FOXN2: variants seen among roughly 807,000 people sequenced by gnomAD.
FOXN2 encodes the protein forkhead box N2, also known as forkhead box protein N2.
FOXN2 carries 19 observed loss-of-function variants against 41.2 expected under a neutral mutation model. The ratio of observed to expected loss-of-function variants is 0.46; its 90% confidence interval spans 0.32 to 0.68. The LOEUF (loss-of-function observed/expected upper bound fraction) is 0.68, where lower values mean the gene tolerates loss of function less well. Ranked by LOEUF, FOXN2 falls within the 30% of genes least tolerant of loss-of-function variation. The pLI, the probability that FOXN2 is intolerant of heterozygous loss-of-function variation, is 0.03. For synonymous variants in FOXN2, 195 were observed against 176.8 expected (o/e 1.10, Z -0.82); for missense variants, 587 against 509.4 (o/e 1.15, Z -1.47).
chr2:48,332,720 A>C (rs1558616597), intron 2 of FOXN2, among the ~76,000 whole-genome samples: 1 of 152,194 alleles, frequency 6.6e-6, no homozygotes, highest in African/African-American at 2.4e-5. Flanking sequence ...TAGTAGTAAT[A>C]ATCATCATTA....
intron 4 of FOXN2, among the ~76,000 whole-genome samples, chr2:48,359,392 C>T (rs1314112893): frequency 6.6e-6 from 1 of 152,138 alleles, no homozygotes; most frequent in African/African-American, 2.4e-5. Flanking sequence ...CTCCTGGGTT[C>T]AGGTGATCCT....
At chr2:48,330,840 T>G (rs1669976099) in intron 2 of FOXN2, among the ~76,000 whole-genome samples, 1 of 152,228 alleles carries the variant, frequency 6.6e-6, no homozygotes, top group Admixed American at 6.5e-5. Flanking sequence ...TGATTTTAAG[T>G]AGGAAGCTGG....
chr2:48,368,403 G>T (rs995196290), intron 5 of FOXN2, among the ~76,000 whole-genome samples: 1 of 152,090 alleles, frequency 6.6e-6, no homozygotes, highest in East Asian at 1.9e-4. Context: ...GGCTGAACGC[G>T]GTGGTTCATG....
At chr2:48,322,897 T>A (rs1306717286) in intron 1 of FOXN2, among the ~76,000 whole-genome samples, 1 of 150,710 alleles carries the variant, frequency 6.6e-6, no homozygotes, top group Non-Finnish European at 1.5e-5. Context: ...GGATGTTATT[T>A]TATTGTTTCT....
At chr2:48,347,864 A>G (rs780765101) in intron 3 of FOXN2, among the ~76,000 whole-genome samples, 1 of 151,914 alleles carries the variant, frequency 6.6e-6, no homozygotes, top group African/African-American at 2.4e-5. Context: ...TTTTTCTTCT[A>G]TGTATTTTAA....
intron 5 of FOXN2, among the ~76,000 whole-genome samples, chr2:48,367,170 A>G (rs1196038714): frequency 6.6e-6 from 1 of 152,198 alleles, no homozygotes; most frequent in East Asian, 1.9e-4. Flanking sequence ...AGCAGGAGAC[A>G]CAGGATTCTT....
chr2:48,372,512 A>C (rs956832171), intron 5 of FOXN2, among the ~76,000 whole-genome samples: 1 of 152,122 alleles, frequency 6.6e-6, no homozygotes, highest in Non-Finnish European at 1.5e-5. Flanking sequence ...CTAATTATTA[A>C]TGGTGTAATT....
chr2:48,358,357 G>A (rs1421635242), intron 3 of FOXN2, among the ~76,000 whole-genome samples: 1 of 152,082 alleles, frequency 6.6e-6, no homozygotes, highest in East Asian at 1.9e-4. Context: ...TTACAATTCA[G>A]TGAAGTGGCC....
At chr2:48,323,273 C>T (rs536647207) in intron 1 of FOXN2, among the ~76,000 whole-genome samples, 5 of 152,060 alleles carry the variant, frequency 3.3e-5, no homozygotes, top group Middle Eastern at 3.4e-3. Flanking sequence ...TCACCTGAAA[C>T]GTCATGGTAG....
At chr2:48,367,283 C>T (rs1038226478) in intron 5 of FOXN2, among the ~76,000 whole-genome samples, 1 of 151,830 alleles carries the variant, frequency 6.6e-6, no homozygotes, top group Non-Finnish European at 1.5e-5. Flanking sequence ...CTGTTCTAGA[C>T]ACCAAGGTAC....
At chr2:48,335,548 T>C (rs965721071) in intron 2 of FOXN2, among the ~76,000 whole-genome samples, 4 of 56,122 alleles carry the variant, frequency 7.1e-5, no homozygotes, top group Admixed American at 2.8e-4. Context: ...CGTAGAATTC[T>C]ATAGCAAAAA....
intron 5 of FOXN2, among the ~76,000 whole-genome samples, chr2:48,366,798 T>C (rs771061809): frequency 9.2e-5 from 14 of 151,886 alleles, no homozygotes; most frequent in African/African-American, 1.7e-4. Flanking sequence ...AGGATTCAGA[T>C]TGAATAATTC....
chr2:48,337,817 C>T (rs1316351329), intron 2 of FOXN2, among the ~76,000 whole-genome samples: 3 of 151,918 alleles, frequency 2.0e-5, no homozygotes, highest in Non-Finnish European at 4.4e-5. Flanking sequence ...TAACCATAGC[C>T]ACAAAATAAA....
rs1019120854 is a variant in FOXN2, at chr2:48,351,196, A to G, written c.537+4445A>G. On this transcript the variant is annotated intron_variant, in intron 3 of 6. Coordinates refer to ENST00000340553, the MANE Select transcript of FOXN2 (RefSeq NM_002158.4). ...AGGCTGGTCTCTAACTCCTGGGCTC[A>G]AGCGATCCACCTGTCTCAGCCTCCC... Among the ~76,000 whole-genome samples the G allele has an allele frequency of 2.6e-5, 4 of 152,072 alleles. No homozygotes were observed. The East Asian group carries it at 7.7e-4, about 29-fold the overall frequency.
intron 1 of FOXN2, among the ~76,000 whole-genome samples, chr2:48,316,749 A>G (rs1012763073): frequency 4.6e-5 from 7 of 152,318 alleles, no homozygotes; most frequent in Non-Finnish European, 1.0e-4. Context: ...TTACTAATGC[A>G]TCGTTTCATT....
intron 5 of FOXN2, 123 bp downstream of exon 5, chr2:48,362,830 G>C: frequency 1.3e-6 from 1 of 761,010 alleles, no homozygotes. Flanking sequence ...ATTGCCTGGT[G>C]CCCTGGTAGC....
intron 3 of FOXN2, among the ~76,000 whole-genome samples, chr2:48,357,131 G>C (rs1012553148): frequency 6.6e-6 from 1 of 152,154 alleles, no homozygotes; most frequent in African/African-American, 2.4e-5. Flanking sequence ...TTCATGAACA[G>C]ACCCAGTGAA....
chr2:48,351,982 G>A (rs1157604676), intron 3 of FOXN2, among the ~76,000 whole-genome samples: 3 of 152,156 alleles, frequency 2.0e-5, no homozygotes, highest in Admixed American at 6.5e-5. Context: ...AGGAATGTAC[G>A]AGAGCAGGGT....
intron 4 of FOXN2, among the ~76,000 whole-genome samples, chr2:48,360,818 G>T (rs1367429204): frequency 2.1e-5 from 3 of 144,370 alleles, no homozygotes; most frequent in Admixed American, 7.0e-5. Context: ...TGAAGATTAA[G>T]CCTGGACAAC....
Sources: gnomAD v4.1 joint callset for allele counts (sites outside exome capture counted in the v4.1 genomes callset) on GRCh38, gnomAD v4.1.1 for gene constraint, MANE v1.5 for transcripts, NCBI Gene and HGNC (gene_info 2026-07-23, HGNC 2026-07-21) for gene names.